Variants in SOX8 observed in about 807,000 individuals in gnomAD.
The protein encoded by SOX8 is transcription factor SOX-8.
Under a neutral mutation model 22.9 loss-of-function variants are expected in SOX8, and 9 were observed. That is an observed-to-expected ratio of 0.39 (90% CI 0.24 to 0.69). SOX8 has a LOEUF of 0.69. Ranked by LOEUF, SOX8 falls within the 30% of genes least tolerant of loss-of-function variation. SOX8 has a pLI of 0.43. For missense variants in SOX8, 734 were observed against 699.4 expected (o/e 1.05, Z -0.56); for synonymous variants, 416 against 330.6 (o/e 1.26, Z -2.80).
Position 984,997 on chromosome 16 carries a change from C to T in SOX8, c.952C>T (p.His318Tyr). The T allele has an allele frequency of 1.3e-6, 2 of 1,584,548 alleles. No homozygotes were observed. The highest frequency in any genetic ancestry group is 2.3e-5 in the South Asian group (2 of 88,538). The change falls in exon 3 of 3, where the codon CAC (histidine) becomes TAC (tyrosine). Residue 318 changes from histidine (H) to tyrosine (Y), a missense_variant. His to Tyr is a moderately conservative substitution (Grantham distance 83). This residue lies in a region of SOX8 where 588 missense variants were observed against 568.2 expected (regional missense o/e 1.03). Coordinates refer to ENST00000293894, the MANE Select transcript of SOX8 (RefSeq NM_014587.5). ...CGCCGGGGCGTCCCCCGTGTGGGCCCACAAGAGTGCCCCGTCGGCCTCCGC... is the reference window on the plus strand; with the variant it reads ...CGCCGGGGCGTCCCCCGTGTGGGCCTACAAGAGTGCCCCGTCGGCCTCCGC... The part of the protein sequence containing the change: ...FHAGASPVWA[H>Y]KSAPSASASP...
chr16:983,453 A>C, intron 1 of SOX8: 1 of 317,724 alleles, frequency 3.1e-6, no homozygotes, highest in Non-Finnish European at 5.7e-6. Context: ...CAGGCCCGGA[A>C]TAGGGGGAAA....
chr16:982,492 G>A, intron 1 of SOX8, 148 bp downstream of exon 1: 2 of 881,462 alleles, frequency 2.3e-6, no homozygotes, highest in Non-Finnish European at 3.0e-6. Context: ...GTGTCAGGGC[G>A]GGTCCCAGTG....
chr16:982,260 C>T lies in SOX8; in HGVS notation c.338C>T (p.Ala113Val), dbSNP rs925647805. Residue 113 changes from alanine (A) to valine (V), a missense_variant, in exon 1 of 3, where the codon GCG becomes GTG. This residue lies in a region of SOX8 where 588 missense variants were observed against 568.2 expected (regional missense o/e 1.03). Transcript: ENST00000293894. ...KRPMNAFMVW[A>V]QAARRKLADQ... ...CCCATGAACGCATTCATGGTGTGGG[C>T]GCAGGCGGCGCGCCGCAAGCTGGCC... 1.3e-6 allele frequency: 2 copies of T among 1,528,836 alleles called. No individual in the cohort carries two copies. The highest frequency in any genetic ancestry group is 2.0e-5 in the Admixed American group (1 of 49,172). 94.7% of individuals were successfully genotyped at this position (1,528,836 alleles called of 1,614,324 possible). A position where few individuals can be genotyped will look rare whatever the true frequency, so the allele number is the denominator to read the frequency against.
In SOX8 at chr16:985,400, G is replaced by A. The variant is rs1341944791; in HGVS notation, c.*14G>A. On this transcript the variant is annotated 3_prime_UTR_variant, in exon 3 of 3. Coordinates refer to ENST00000293894, the MANE Select transcript of SOX8 (RefSeq NM_014587.5). ...ACCAGGCCCTGAGGGCCCAGCCGCG[G>A]GGAGGGACTCGCAGGCGTCAGGGGG... 1 of 1,516,012 alleles carries A rather than the reference G, an allele frequency of 6.6e-7. No homozygotes were observed. The highest frequency in any genetic ancestry group is 1.7e-4 in the Middle Eastern group (1 of 5,860). 93.9% of individuals were successfully genotyped at this position (1,516,012 alleles called of 1,614,324 possible). A position where few individuals can be genotyped will look rare whatever the true frequency, so the allele number is the denominator to read the frequency against.
In SOX8 at chr16:985,029, C is replaced by G. The variant is rs1423374906; in HGVS notation, c.984C>G (p.Pro328=). Reference sequence around the variant, plus strand: ...GTGCCCCGTCGGCCTCCGCGTCGCCCACCGAGACGGGTCCCCCACGGCCGC... The same window carrying G: ...GTGCCCCGTCGGCCTCCGCGTCGCCGACCGAGACGGGTCCCCCACGGCCGC... ...HKSAPSASAS[P]TETGPPRPHI... The change falls in exon 3 of 3, where the codon CCC becomes CCG. Residue 328 remains proline, a synonymous_variant. Transcript: ENST00000293894. 4 of 1,574,246 alleles carry G rather than the reference C, an allele frequency of 2.5e-6. No individual in the cohort carries two copies. In the African/African-American group the frequency reaches 4.1e-5, roughly 16 times the overall value.
At position 982,678 on chromosome 16, in the gene SOX8, G is replaced by A. The variant is rs144937995; in HGVS notation, c.422+334G>A. The A allele has an allele frequency of 6.6e-3, 1,706 of 258,768 alleles. 36 individuals are homozygous for A. The highest frequency in any genetic ancestry group is 0.036 in the African/African-American group (1,611 of 45,346). The allele number at this position is 258,768 out of a possible 1,614,324, so 16.0% of individuals were successfully genotyped here. On this transcript the variant is annotated intron_variant, in intron 1 of 2. Transcript: ENST00000293894. The stretch of plus-strand genomic sequence containing the variant: ...CACCCCGACGTGCCCTCCAGCCGTT[G>A]CGAGTGGCCCCAGCCCCGGGAGGCA...
At position 984,941 on chromosome 16, in the gene SOX8, C is replaced by A. The variant is rs139795088; in HGVS notation, c.896C>A (p.Pro299Gln). Residue 299 changes from proline to glutamine, a missense_variant, in exon 3 of 3, where the codon CCG becomes CAG. Pro to Gln is a moderately conservative substitution (Grantham distance 76, BLOSUM62 -1). This residue lies in a region of SOX8 where 588 missense variants were observed against 568.2 expected (regional missense o/e 1.03). Transcript: ENST00000293894. The stretch of plus-strand genomic sequence containing the variant: ...CTGGGCGGCCCCGCCCCACCCGAGC[C>A]GGGCCAGGCCTATGGGGGCGCCTAC... The part of the protein sequence containing the change: ...LPLGGPAPPE[P>Q]GQAYGGAYFH... The A allele has an allele frequency of 6.2e-7, 1 of 1,601,230 alleles. No individual in the cohort carries two copies. Among genetic ancestry groups the A allele is most frequent in the Non-Finnish European group, 8.5e-7 (1 of 1,173,886 alleles).
At chr16:984,524 G>A (rs1406340062) in intron 2 of SOX8, among the ~76,000 whole-genome samples, 177 bp from the exon 3 acceptor site, 1 of 152,212 alleles carries the variant, frequency 6.6e-6, no homozygotes, top group Admixed American at 6.5e-5. Context: ...GAATTTTCTC[G>A]GCCGAGGAGT....
chr16:983,484 G>C (rs1032236317), intron 1 of SOX8: 3 of 400,468 alleles, frequency 7.5e-6, no homozygotes, highest in South Asian at 1.5e-4. Flanking sequence ...AAGATGGGAG[G>C]CGTGGGGCTT....
At position 985,265 on chromosome 16, in the gene SOX8, G is replaced by T. The variant is rs371078557; in HGVS notation, c.1220G>T (p.Cys407Phe). 87 of 1,611,754 alleles carry T rather than the reference G, an allele frequency of 5.4e-5. No individual in the cohort carries two copies. The highest frequency in any genetic ancestry group is 8.0e-5 in the African/African-American group (6 of 74,908). Residue 407 changes from cysteine to phenylalanine, a missense_variant, in exon 3 of 3, where the codon TGC becomes TTC. Physicochemically the swap from Cys to Phe is radical, Grantham distance 205 (BLOSUM62 -2). Coordinates refer to ENST00000293894, the MANE Select transcript of SOX8 (RefSeq NM_014587.5). ...GYAPGLYQYP[C>F]FHSPRRPYAS... ...GCACCCGGCCTCTACCAGTACCCCTGCTTCCACTCGCCGCGCCGGCCCTAC... is the reference window on the plus strand; with the variant it reads ...GCACCCGGCCTCTACCAGTACCCCTTCTTCCACTCGCCGCGCCGGCCCTAC...
intron 2 of SOX8, among the ~76,000 whole-genome samples, chr16:984,235 C>G (rs989581028): frequency 1.3e-5 from 2 of 152,222 alleles, no homozygotes; most frequent in Admixed American, 1.3e-4. Flanking sequence ...CAGTCCAATG[C>G]GGGCTCCTCT....
Position 985,057 on chromosome 16 carries a change from A to G in SOX8, c.1012A>G (p.Ile338Val), listed in dbSNP as rs1433901302. 1.3e-6 allele frequency: 2 copies of G among 1,580,646 alleles called. No homozygotes were observed. Among genetic ancestry groups the G allele is most frequent in the Admixed American group, 1.7e-5 (1 of 57,722 alleles). The change falls in exon 3 of 3, where the codon ATC becomes GTC. Residue 338 changes from isoleucine (I) to valine (V), a missense_variant. Physicochemically the swap from Ile to Val is conservative, Grantham distance 29. This residue lies in a region of SOX8 where 588 missense variants were observed against 568.2 expected (regional missense o/e 1.03). Transcript: ENST00000293894. The part of the protein sequence containing the change: ...PTETGPPRPH[I>V]KTEQPSPGHY... ...CGAGACGGGTCCCCCACGGCCGCAC[A>G]TCAAGACGGAGCAGCCGAGCCCCGG...
chr16:981,919 C>T lies in SOX8; in HGVS notation c.-4C>T, dbSNP rs763001905. The T allele has an allele frequency of 3.1e-6, 4 of 1,284,402 alleles. No individual in the cohort carries two copies. In the African/African-American group the frequency reaches 6.3e-5, roughly 20 times the overall value. The allele number at this position is 1,284,402 out of a possible 1,614,324, so 79.6% of individuals were successfully genotyped here. ...CTGTGCGCGCCCCTCCGCGCGCGGC[C>T]CCGATGCTGGACATGAGCGAGGCCC... On this transcript the variant is annotated 5_prime_UTR_variant, in exon 1 of 3. Transcript: ENST00000293894.
Position 983,930 on chromosome 16 carries a change from G to C in SOX8, c.625G>C (p.Gly209Arg), listed in dbSNP as rs1390437173. 1 of 1,565,282 alleles carries C rather than the reference G, an allele frequency of 6.4e-7. No homozygotes were observed. The highest frequency in any genetic ancestry group is 8.7e-7 in the Non-Finnish European group (1 of 1,152,872). The change falls in exon 2 of 3, where the codon GGA (glycine) becomes CGA (arginine). Residue 209 changes from glycine to arginine, a missense_variant. Transcript: ENST00000293894. ...GAVYKAEAGL[G>R]DGHHHGDHTG... ...CGTGTACAAGGCTGAAGCAGGGCTT[G>C]GAGATGGGCACCACCATGGCGACCA...
In SOX8 at chr16:985,391, C is replaced by T. The variant is rs2073451076; in HGVS notation, c.*5C>T. On this transcript the variant is annotated 3_prime_UTR_variant, in exon 3 of 3. Coordinates refer to ENST00000293894, the MANE Select transcript of SOX8 (RefSeq NM_014587.5). Reference sequence around the variant, plus strand: ...ACCACCCTGACCAGGCCCTGAGGGCCCAGCCGCGGGGAGGGACTCGCAGGC... The same window carrying T: ...ACCACCCTGACCAGGCCCTGAGGGCTCAGCCGCGGGGAGGGACTCGCAGGC... 6.5e-7 allele frequency: 1 copy of T among 1,530,688 alleles called. No homozygotes were observed. Among genetic ancestry groups the T allele is most frequent in the African/African-American group, 1.4e-5 (1 of 72,968 alleles). The allele number at this position is 1,530,688 out of a possible 1,614,324, so 94.8% of individuals were successfully genotyped here. A position where few individuals can be genotyped will look rare whatever the true frequency, so the allele number is the denominator to read the frequency against.
At chr16:984,270 C>T (rs1325571176) in intron 2 of SOX8, among the ~76,000 whole-genome samples, 1 of 152,244 alleles carries the variant, frequency 6.6e-6, no homozygotes, top group Non-Finnish European at 1.5e-5. Context: ...GCTGCCCACA[C>T]GGCACTCAGC....
In SOX8 at chr16:981,908, C is replaced by G; in HGVS notation, c.-15C>G. 8.1e-7 allele frequency: 1 copy of G among 1,238,008 alleles called. No individual in the cohort carries two copies. The highest frequency in any genetic ancestry group is 1.0e-6 in the Non-Finnish European group (1 of 989,298). 76.7% of individuals were successfully genotyped at this position (1,238,008 alleles called of 1,614,324 possible). On this transcript the variant is annotated 5_prime_UTR_variant, in exon 1 of 3. Coordinates refer to ENST00000293894, the MANE Select transcript of SOX8 (RefSeq NM_014587.5). ...GTGCGCGTCTCCTGTGCGCGCCCCT[C>G]CGCGCGCGGCCCCGATGCTGGACAT...
At position 986,412 on chromosome 16, in the gene SOX8, G is replaced by A. The variant is rs1386702869; in HGVS notation, c.*1026G>A. On this transcript the variant is annotated 3_prime_UTR_variant, in exon 3 of 3. Coordinates refer to ENST00000293894, the MANE Select transcript of SOX8 (RefSeq NM_014587.5). ...CCGTCCCTGTCCCCGACTGTGCCAC[G>A]TGGTAGGACACATAGGACACAGGAA... 6.6e-6 allele frequency: 1 copy of A among 152,314 alleles called. No individual in the cohort carries two copies. The highest frequency in any genetic ancestry group is 1.5e-5 in the Non-Finnish European group (1 of 68,086). 9.4% of individuals were successfully genotyped at this position (152,314 alleles called of 1,614,324 possible).
At position 984,906 on chromosome 16, in the gene SOX8, G is replaced by A. The variant is rs1466346308; in HGVS notation, c.861G>A (p.Gln287=). 1 of 1,608,472 alleles carries A rather than the reference G, an allele frequency of 6.2e-7. No individual in the cohort carries two copies. The highest frequency in any genetic ancestry group is 8.5e-7 in the Non-Finnish European group (1 of 1,177,420). Residue 287 remains glutamine (Q), a synonymous_variant, in exon 3 of 3, where the codon CAG becomes CAA. Transcript: ENST00000293894. ...MDAFDVHEFD[Q]YLPLGGPAPP... ...CCTTCGACGTCCACGAGTTCGACCAGTACCTGCCCCTGGGCGGCCCCGCCC... is the reference window on the plus strand; with the variant it reads ...CCTTCGACGTCCACGAGTTCGACCAATACCTGCCCCTGGGCGGCCCCGCCC...
Sources: allele counts gnomAD v4.1 joint callset (sites outside exome capture counted in the v4.1 genomes callset), GRCh38; gene constraint gnomAD v4.1.1; regional missense constraint gnomAD v4.1.1; transcripts MANE v1.5; gene names NCBI Gene and HGNC (gene_info 2026-07-23, HGNC 2026-07-21).